CNTNAP3B: variants seen among roughly 807,000 people sequenced by gnomAD.
CNTNAP3B encodes contactin-associated protein-like 3B.
In CNTNAP3B, 25 loss-of-function variants were observed where a neutral mutation model predicts 108.9. The observed-to-expected ratio is 0.23, with a 90% CI of 0.17 to 0.32. The LOEUF (loss-of-function observed/expected upper bound fraction) is 0.32. Ranked by LOEUF, CNTNAP3B falls within the 10% of genes least tolerant of loss-of-function variation. The pLI, the probability that CNTNAP3B is intolerant of heterozygous loss-of-function variation, is 1.00. For synonymous variants in CNTNAP3B, 103 were observed against 473.4 expected (o/e 0.22, Z 10.16); for missense variants, 252 against 1,210.4 (o/e 0.21, Z 11.75).
At chr9:42,109,480 T>A (rs1391112698) in intron 1 of CNTNAP3B, among the ~76,000 whole-genome samples, 1 of 147,148 alleles carries the variant, frequency 6.8e-6, no homozygotes, top group Non-Finnish European at 1.5e-5. Flanking sequence ...CATGGACAGA[T>A]TTTGTCCGTA....
chr9:41,956,364 T>A (rs1404035118), intron 12 of CNTNAP3B, among the ~76,000 whole-genome samples: 18 of 152,106 alleles, frequency 1.2e-4, no homozygotes, highest in Non-Finnish European at 2.4e-4. Context: ...CCAGCCTGGG[T>A]GACAGAGCAA....
At chr9:42,053,913 C>A (rs1433235536) in intron 3 of CNTNAP3B, among the ~76,000 whole-genome samples, 1 of 150,062 alleles carries the variant, frequency 6.7e-6, no homozygotes, top group African/African-American at 2.5e-5. Flanking sequence ...CCCACCCAAA[C>A]CATGGCAGAC....
At chr9:41,953,011 T>C (rs1179527518) in intron 13 of CNTNAP3B, among the ~76,000 whole-genome samples, 172 bp downstream of exon 13, 2 of 152,264 alleles carry the variant, frequency 1.3e-5, no homozygotes, top group Non-Finnish European at 2.9e-5. Context: ...GAAGGCGCTC[T>C]TGAATGCTCT....
intron 9 of CNTNAP3B, chr9:41,974,435 C>T (rs1825486243): frequency 2.1e-6 from 1 of 481,634 alleles, no homozygotes; most frequent in Non-Finnish European, 3.8e-6. Flanking sequence ...AAACGTCAAA[C>T]TTCTGCAGTC....
At chr9:41,948,051 C>T (rs1824576004) in intron 13 of CNTNAP3B, among the ~76,000 whole-genome samples, 3 of 151,200 alleles carry the variant, frequency 2.0e-5, no homozygotes, top group African/African-American at 7.3e-5. Context: ...AATCTCTTGG[C>T]CCAGATGGTT....
intron 3 of CNTNAP3B, among the ~76,000 whole-genome samples, chr9:42,063,841 C>T (rs1318839251): frequency 3.3e-5 from 5 of 150,240 alleles, no homozygotes; most frequent in African/African-American, 1.2e-4. Context: ...CCCACCTCGG[C>T]CTCCCAAAGC....
intron 18 of CNTNAP3B, among the ~76,000 whole-genome samples, chr9:41,919,682 C>T (rs1448171051): frequency 1.3e-5 from 2 of 152,098 alleles, no homozygotes; most frequent in East Asian, 3.9e-4. Context: ...TCAAGTCCGG[C>T]CTGGGCAACA....
intron 13 of CNTNAP3B, among the ~76,000 whole-genome samples, chr9:41,940,684 G>T (rs1231649598): frequency 2.0e-3 from 302 of 151,818 alleles, no homozygotes; most frequent in African/African-American, 7.2e-3. Flanking sequence ...GCGTAGCGGC[G>T]GGAGCCTGTA....
intron 3 of CNTNAP3B, among the ~76,000 whole-genome samples, chr9:42,045,803 A>T (rs1312620617): frequency 6.6e-5 from 9 of 135,482 alleles, no homozygotes; most frequent in Admixed American, 7.5e-5. Flanking sequence ...CAGAATAGCA[A>T]TCTGCATCTT....
intron 3 of CNTNAP3B, among the ~76,000 whole-genome samples, chr9:42,035,905 C>T (rs1587217756): frequency 7.1e-6 from 1 of 141,450 alleles, no homozygotes; most frequent in South Asian, 2.2e-4. Context: ...CCTCGGAGTT[C>T]GAGCCCAGCC....
At chr9:42,077,155 T>C (rs1827509987) in intron 2 of CNTNAP3B, 93 bp from the exon 3 acceptor site, 1 of 704,356 alleles carries the variant, frequency 1.4e-6, no homozygotes, top group Non-Finnish European at 2.2e-6. Flanking sequence ...ATTATGAATA[T>C]ATATTAAGAA....
chr9:42,060,006 A>AT (rs1338710502), intron 3 of CNTNAP3B, among the ~76,000 whole-genome samples: 62 of 151,280 alleles, frequency 4.1e-4, no homozygotes, highest in African/African-American at 1.4e-3. Context: ...TCAAATTTGG[A>AT]TTTTTTTTCT....
chr9:41,942,004 C>T (rs1383109751), intron 13 of CNTNAP3B, among the ~76,000 whole-genome samples: 7 of 152,064 alleles, frequency 4.6e-5, no homozygotes, highest in Admixed American at 6.5e-5. Context: ...ACATTCTAAT[C>T]CCCCAAAAAG....
At chr9:41,924,341 T>A (rs1487515377) in intron 15 of CNTNAP3B, among the ~76,000 whole-genome samples, 1 of 152,302 alleles carries the variant, frequency 6.6e-6, no homozygotes, top group East Asian at 1.9e-4. Flanking sequence ...ATGAGACCAG[T>A]CAGGGGATCG....
intron 10 of CNTNAP3B, 81 bp from the exon 11 acceptor site, chr9:41,964,725 G>A (rs1587155157): frequency 1.3e-6 from 2 of 1,536,016 alleles, no homozygotes; most frequent in East Asian, 2.4e-5. Context: ...AGGTTAATGT[G>A]AAAGGCCAGC....
rs1198754726 is a variant in CNTNAP3B at position 41,973,689 on chromosome 9, GC to G, written c.1478-3445del. On this transcript the variant is annotated intron_variant, in intron 9 of 23. Coordinates refer to ENST00000377561, the MANE Select transcript of CNTNAP3B (RefSeq NM_001201380.3). ...GTCAATCTCTATTTCAGGCATGAAT[GC>G]AAAAAACTGCAGGCTATATGCACAA... 1.1e-4 allele frequency among the ~76,000 whole-genome samples: 16 copies of G among 139,196 alleles called. 4 individuals are homozygous for G. The highest frequency in any genetic ancestry group is 3.7e-4 in the African/African-American group (13 of 35,090). The allele number at this position is 139,196 out of a possible 152,430, so 91.3% of individuals were successfully genotyped here. A position where few individuals can be genotyped will look rare whatever the true frequency, so the allele number is the denominator to read the frequency against.
At chr9:41,948,477 C>T (rs1193707751) in intron 13 of CNTNAP3B, among the ~76,000 whole-genome samples, 3 of 148,418 alleles carry the variant, frequency 2.0e-5, no homozygotes, top group African/African-American at 7.4e-5. Context: ...AGAATGCTAC[C>T]AAATTCATTT....
At chr9:41,979,005 G>A (rs1171362549) in intron 9 of CNTNAP3B, among the ~76,000 whole-genome samples, 2 of 140,388 alleles carry the variant, frequency 1.4e-5, no homozygotes, top group East Asian at 2.1e-4. Context: ...TGGGTGGTAA[G>A]GTCTGGGTCG....
chr9:41,921,727 T>G (rs1262144088), intron 17 of CNTNAP3B, among the ~76,000 whole-genome samples: 1 of 152,030 alleles, frequency 6.6e-6, no homozygotes, highest in Non-Finnish European at 1.5e-5. Context: ...TTTAAATAAA[T>G]GGAGTGCAAG....
Sources: gnomAD v4.1 joint callset for allele counts (sites outside exome capture counted in the v4.1 genomes callset) on GRCh38, gnomAD v4.1.1 for gene constraint, MANE v1.5 for transcripts, NCBI Gene and HGNC (gene_info 2026-07-23, HGNC 2026-07-21) for gene names.